PDE1A: variants seen among roughly 807,000 people sequenced by gnomAD.
PDE1A encodes dual specificity calcium/calmodulin-dependent 3',5'-cyclic nucleotide phosphodiesterase 1A.
A neutral mutation model predicts 61.7 loss-of-function variants in PDE1A; 35 were observed. The observed-to-expected ratio is 0.57, with a 90% confidence interval of 0.43 to 0.75. The LOEUF (loss-of-function observed/expected upper bound fraction) is 0.75. Among genes scored for constraint, PDE1A ranks in the 30% least tolerant of loss-of-function variants. The pLI is 0.00. For missense variants in PDE1A, 597 were observed against 630.6 expected, an observed-to-expected ratio of 0.95 and a Z score of 0.57; for synonymous variants, 232 against 213.2, an observed-to-expected ratio of 1.09 and a Z score of -0.77.
chr2:182,508,357 G>A (rs919032950), intron 2 of PDE1A, among the ~76,000 whole-genome samples: 2 of 151,240 alleles, frequency 1.3e-5, no homozygotes, highest in African/African-American at 4.9e-5. Context: ...CACCACTTCT[G>A]TTCAACATAG....
chr2:182,397,393 A>G (rs1701767016), intron 1 of PDE1A, among the ~76,000 whole-genome samples: 1 of 152,180 alleles, frequency 6.6e-6, no homozygotes, highest in South Asian at 2.1e-4. Flanking sequence ...TGATTGTAAA[A>G]CACCATTTAT....
At chr2:182,352,821 T>A (rs1420760902) in intron 1 of PDE1A, among the ~76,000 whole-genome samples, 1 of 151,888 alleles carries the variant, frequency 6.6e-6, no homozygotes, top group Non-Finnish European at 1.5e-5. Flanking sequence ...AATTAAGCAG[T>A]GAATACATTT....
chr2:182,278,890 T>C (rs1693619691), intron 1 of PDE1A, among the ~76,000 whole-genome samples: 2 of 152,062 alleles, frequency 1.3e-5, no homozygotes, highest in Non-Finnish European at 2.9e-5. Context: ...ACACAGTTTA[T>C]ACAGATTTGT....
At chr2:182,375,089 T>C (rs1700321246) in intron 1 of PDE1A, among the ~76,000 whole-genome samples, 4 of 152,158 alleles carry the variant, frequency 2.6e-5, no homozygotes, top group Admixed American at 2.6e-4. Context: ...ACTCAACACA[T>C]GGGAATTATG....
chr2:182,585,640 A>G, the PDE1A span, among the ~76,000 whole-genome samples: 1 of 152,210 alleles, frequency 6.6e-6, no homozygotes, highest in Non-Finnish European at 1.5e-5. Flanking sequence ...GCAAGAACAG[A>G]TAATAACACA....
chr2:182,221,087 C>T (rs569850117), intron 7 of PDE1A, among the ~76,000 whole-genome samples: 2 of 151,952 alleles, frequency 1.3e-5, no homozygotes, highest in South Asian at 4.2e-4. Context: ...CCCTTCTTGT[C>T]CTCCTCTTCC....
intron 2 of PDE1A, among the ~76,000 whole-genome samples, chr2:182,457,599 T>C (rs1441730989): frequency 6.6e-6 from 1 of 152,008 alleles, no homozygotes; most frequent in Non-Finnish European, 1.5e-5. Context: ...AATGCTGATG[T>C]ATGGTTTTGG....
At chr2:182,627,718 G>A in the PDE1A span, among the ~76,000 whole-genome samples, 20 of 151,632 alleles carry the variant, frequency 1.3e-4, no homozygotes, top group Admixed American at 7.2e-4. Context: ...TAAGGCGGGC[G>A]GATCATCTGA....
intron 2 of PDE1A, among the ~76,000 whole-genome samples, chr2:182,242,856 G>GCT (rs1690629802): frequency 1.4e-5 from 2 of 145,626 alleles, no homozygotes; most frequent in East Asian, 2.0e-4. Flanking sequence ...TACGTATCTC[G>GCT]CTCTCTCTCT....
At chr2:182,384,836 A>T (rs944346550) in intron 1 of PDE1A, among the ~76,000 whole-genome samples, 1 of 152,186 alleles carries the variant, frequency 6.6e-6, no homozygotes, top group South Asian at 2.1e-4. Flanking sequence ...TCTCCAATCA[A>T]ATTCAATTCA....
intron 2 of PDE1A, among the ~76,000 whole-genome samples, chr2:182,247,258 A>T (rs764476294): frequency 4.4e-4 from 67 of 152,308 alleles, no homozygotes; most frequent in Non-Finnish European, 7.6e-4. Context: ...AAGAAAACTT[A>T]AAAAAAGTAT....
At chr2:182,266,583 T>C (rs1256387447) in intron 1 of PDE1A, among the ~76,000 whole-genome samples, 1 of 152,186 alleles carries the variant, frequency 6.6e-6, no homozygotes, top group Non-Finnish European at 1.5e-5. Context: ...ATTCTACTTT[T>C]ATTTGTTAGC....
At chr2:182,710,343 T>A in the PDE1A span, among the ~76,000 whole-genome samples, 1 of 152,262 alleles carries the variant, frequency 6.6e-6, no homozygotes, top group Admixed American at 6.5e-5. Flanking sequence ...CACTCAGTTA[T>A]GTGTGTGTGC....
chr2:182,704,180 C>T, the PDE1A span, among the ~76,000 whole-genome samples: 1 of 143,658 alleles, frequency 7.0e-6, no homozygotes, highest in African/African-American at 2.5e-5. Context: ...CACTGCACTC[C>T]AGTCTCAGCA....
intron 1 of PDE1A, among the ~76,000 whole-genome samples, chr2:182,373,832 A>C (rs929281627): frequency 1.7e-4 from 26 of 152,234 alleles, no homozygotes; most frequent in African/African-American, 5.8e-4. Context: ...GATATATGAC[A>C]AGAAAACAAG....
At chr2:182,203,641 G>T (rs916589922) in intron 8 of PDE1A, among the ~76,000 whole-genome samples, 1 of 152,080 alleles carries the variant, frequency 6.6e-6, no homozygotes, top group African/African-American at 2.4e-5. Context: ...ATCAGTAAAT[G>T]CTAGATGTTA....
downstream of PDE1A, among the ~76,000 whole-genome samples, chr2:182,145,547 C>G (rs1690450781): frequency 6.6e-6 from 1 of 151,858 alleles, no homozygotes; most frequent in African/African-American, 2.4e-5. Context: ...GGGCAACACG[C>G]TGAAACCCTG....
At chr2:182,311,155 A>G (rs1454052921) in intron 1 of PDE1A, among the ~76,000 whole-genome samples, 1 of 152,212 alleles carries the variant, frequency 6.6e-6, no homozygotes, top group East Asian at 1.9e-4. Flanking sequence ...GGATTATTGA[A>G]TAGCAGTAAG....
At chr2:182,172,819 A>T (rs1422507132) in intron 13 of PDE1A, among the ~76,000 whole-genome samples, 1 of 152,058 alleles carries the variant, frequency 6.6e-6, no homozygotes, top group Admixed American at 6.6e-5. Flanking sequence ...GGAGGGAAGA[A>T]CAAAACCAAA....
Sources: gnomAD v4.1 joint callset for allele counts (sites outside exome capture counted in the v4.1 genomes callset) on GRCh38, gnomAD v4.1.1 for gene constraint, MANE v1.5 for transcripts, NCBI Gene and HGNC (gene_info 2026-07-23, HGNC 2026-07-21) for gene names.